The following ADAM18 variants were observed in gnomAD, a reference collection of about 807,000 sequenced individuals.
The protein encoded by ADAM18 is disintegrin and metalloproteinase domain-containing protein 18.
In ADAM18, 117 loss-of-function variants were observed where a neutral mutation model predicts 94.4. That is an observed-to-expected ratio of 1.24 (90% CI 1.07 to 1.45). The LOEUF is 1.45. ADAM18 is among the 40% of genes most tolerant of loss of function. ADAM18 has a pLI of 0.00. For missense variants in ADAM18, 936 were observed against 880.0 expected, an observed-to-expected ratio of 1.06 and a Z score of -0.81; for synonymous variants, 327 against 291.6, an observed-to-expected ratio of 1.12 and a Z score of -1.24.
At chr8:39,629,628 A>C (rs1201846692) in intron 7 of ADAM18, among the ~76,000 whole-genome samples, 189 bp downstream of exon 7, 62 of 115,640 alleles carry the variant, frequency 5.4e-4, no homozygotes, top group Admixed American at 8.7e-4. Context: ...TCCTTCCTCT[A>C]CCCCTCCTTC....
chr8:39,598,757 G>A (rs1378538366), intron 2 of ADAM18, among the ~76,000 whole-genome samples: 3 of 140,248 alleles, frequency 2.1e-5, no homozygotes, highest in Non-Finnish European at 3.1e-5. Context: ...GGCAGAGCAA[G>A]ACTCCGTCTC....
chr8:39,588,634 CT>C (rs5891061), intron 2 of ADAM18, among the ~76,000 whole-genome samples: 36,661 of 152,052 alleles, frequency 0.24, 4,682 homozygotes, highest in East Asian at 0.48. Flanking sequence ...TGGTTCAACA[CT>C]GGGAAACAAC....
intron 18 of ADAM18, among the ~76,000 whole-genome samples, chr8:39,709,590 T>C (rs1473537053): frequency 1.3e-5 from 2 of 152,190 alleles, no homozygotes; most frequent in East Asian, 3.9e-4. Context: ...AGGCTACTTA[T>C]TGATTCAATT....
chr8:39,596,698 C>A (rs1352602573), intron 2 of ADAM18, among the ~76,000 whole-genome samples: 1 of 152,122 alleles, frequency 6.6e-6, no homozygotes, highest in African/African-American at 2.4e-5. Flanking sequence ...CCAAGGAACA[C>A]AATTGCTGGA....
chr8:39,590,836 C>T (rs1818551045), intron 2 of ADAM18, among the ~76,000 whole-genome samples: 1 of 152,158 alleles, frequency 6.6e-6, no homozygotes, highest in Non-Finnish European at 1.5e-5. Flanking sequence ...CAAACTCTCT[C>T]ATGATTCCTT....
At chr8:39,687,457 C>T (rs1821637853) in intron 16 of ADAM18, among the ~76,000 whole-genome samples, 3 of 152,108 alleles carry the variant, frequency 2.0e-5, no homozygotes, top group Admixed American at 6.5e-5. Flanking sequence ...CTAAATTAGA[C>T]AATTTTATTC....
intron 17 of ADAM18, among the ~76,000 whole-genome samples, chr8:39,694,021 C>G (rs1335886694): frequency 6.6e-6 from 1 of 151,118 alleles, no homozygotes; most frequent in African/African-American, 2.4e-5. Flanking sequence ...TAATGATATA[C>G]TTTTCATTAG....
intron 3 of ADAM18, among the ~76,000 whole-genome samples, chr8:39,608,534 A>G (rs1036950162): frequency 1.3e-5 from 2 of 151,946 alleles, no homozygotes; most frequent in African/African-American, 4.8e-5. Context: ...TTCTTTCTAG[A>G]ATAACACTTC....
In ADAM18 at chr8:39,610,420, T is replaced by C. The variant is rs1034826645; in HGVS notation, c.345-109T>C. 2.4e-6 allele frequency: 3 copies of C among 1,266,938 alleles called. No homozygotes were observed. In the African/African-American group the frequency reaches 4.7e-5, roughly 20 times the overall value. The allele number at this position is 1,266,938 out of a possible 1,614,324, so 78.5% of individuals were successfully genotyped here. A position where few individuals can be genotyped will look rare whatever the true frequency, so the allele number is the denominator to read the frequency against. On this transcript the variant is annotated intron_variant, in intron 5 of 19. Transcript: ENST00000265707. ...GGAAAAAGAAAATGGGCTTAAAATG[T>C]GTTCTTTAGTATAGTTTTTTAATTT...
intron 18 of ADAM18, among the ~76,000 whole-genome samples, 195 bp from the exon 19 acceptor site, chr8:39,723,549 TTAAA>T (rs1822817042): frequency 6.6e-6 from 1 of 151,708 alleles, no homozygotes; most frequent in Non-Finnish European, 1.5e-5. Flanking sequence ...CAGGTTAATA[TTAAA>T]TAAATATGTG....
chr8:39,676,430 T>C (rs1406463502), intron 14 of ADAM18, among the ~76,000 whole-genome samples: 1 of 152,220 alleles, frequency 6.6e-6, no homozygotes, highest in Admixed American at 6.5e-5. Flanking sequence ...AGCAAGGCTC[T>C]GTGGGCATGG....
At chr8:39,692,449 A>G in intron 16 of ADAM18, 151 bp from the exon 17 acceptor site, 1 of 408,384 alleles carries the variant, frequency 2.4e-6, no homozygotes, top group Non-Finnish European at 4.4e-6. Context: ...ATAAATTAAG[A>G]TAATGTTAAT....
At chr8:39,722,190 CGTGT>C (rs1164771841) in intron 18 of ADAM18, among the ~76,000 whole-genome samples, 12 of 101,786 alleles carry the variant, frequency 1.2e-4, no homozygotes, top group African/African-American at 4.3e-4. Context: ...TTGGTTATAC[CGTGT>C]GTGTGTGTGT....
intron 18 of ADAM18, among the ~76,000 whole-genome samples, chr8:39,718,079 A>C (rs1033973852): frequency 3.9e-4 from 59 of 151,638 alleles, no homozygotes; most frequent in African/African-American, 1.3e-3. Context: ...CAACAAATAA[A>C]GGATGTGAAG....
At chr8:39,631,422 A>G (rs1819927896) in intron 7 of ADAM18, among the ~76,000 whole-genome samples, 2 of 151,932 alleles carry the variant, frequency 1.3e-5, no homozygotes, top group South Asian at 4.1e-4. Flanking sequence ...CATTCGCTCC[A>G]TCTCCACTTA....
At chr8:39,641,215 T>G (rs904447774) in intron 10 of ADAM18, among the ~76,000 whole-genome samples, 11 of 152,262 alleles carry the variant, frequency 7.2e-5, no homozygotes, top group South Asian at 2.1e-4. Flanking sequence ...TTCATTCTTC[T>G]GCTTATGGCT....
chr8:39,638,144 C>T (rs183401203), intron 9 of ADAM18, among the ~76,000 whole-genome samples: 3 of 151,694 alleles, frequency 2.0e-5, no homozygotes, highest in African/African-American at 7.2e-5. Flanking sequence ...GCTTCTTCCA[C>T]AAATTAAAAA....
At chr8:39,725,202 C>T (rs12541999) in intron 19 of ADAM18, among the ~76,000 whole-genome samples, 21,235 of 151,800 alleles carry the variant, frequency 0.14, 1,630 homozygotes, top group East Asian at 0.27. Flanking sequence ...TATACAAATA[C>T]GTATACATAC....
At chr8:39,702,204 C>T (rs941731647) in intron 17 of ADAM18, among the ~76,000 whole-genome samples, 1 of 152,206 alleles carries the variant, frequency 6.6e-6, no homozygotes, top group Non-Finnish European at 1.5e-5. Context: ...AATGGTATCT[C>T]ATTGTGGTCT....
Sources: gnomAD v4.1 joint callset for allele counts (sites outside exome capture counted in the v4.1 genomes callset) on GRCh38, gnomAD v4.1.1 for gene constraint, MANE v1.5 for transcripts, NCBI Gene and HGNC (gene_info 2026-07-23, HGNC 2026-07-21) for gene names.